The following CPQ variants were observed in gnomAD, a reference collection of about 807,000 sequenced individuals.
CPQ encodes Ser-Met dipeptidase.
A neutral mutation model predicts 45.7 loss-of-function variants in CPQ; 37 were observed. That is an observed-to-expected ratio of 0.81 (90% confidence interval 0.62 to 1.07). CPQ has a LOEUF of 1.07. Among genes scored for constraint, CPQ ranks in the 50% least tolerant of loss-of-function variants. The pLI, the probability that CPQ is intolerant of heterozygous loss-of-function variation, is 0.00. For synonymous variants in CPQ, 186 were observed against 205.8 expected (o/e 0.90, Z 0.82); for missense variants, 537 against 572.9 (o/e 0.94, Z 0.64).
rs572906188 is a variant in CPQ at position 96,821,126 on chromosome 8, ATTTTTTTT to A, written c.434-13829_434-13822del. Among the ~76,000 whole-genome samples, 423 of 61,002 alleles carry A rather than the reference ATTTTTTTT, an allele frequency of 6.9e-3. 4 individuals carry two copies. Among genetic ancestry groups the A allele is most frequent in the African/African-American group, 0.029 (402 of 13,702 alleles). The allele number at this position is 61,002 out of a possible 152,430, so 40.0% of individuals were successfully genotyped here. ...ACCTTTTGCCCAATATTTAATCTGAATTTTTTTTTTTTTTTTTTTTTTTTTGCTATTGA... is the reference window on the plus strand; with the variant it reads ...ACCTTTTGCCCAATATTTAATCTGAATTTTTTTTTTTTTTTTTGCTATTGA... On this transcript the variant is annotated intron_variant, in intron 2 of 7. Transcript: ENST00000220763.
chr8:96,803,982 A>T (rs1013967829), intron 2 of CPQ, among the ~76,000 whole-genome samples: 1 of 152,184 alleles, frequency 6.6e-6, no homozygotes, highest in Admixed American at 6.5e-5. Flanking sequence ...AGGAGATAGC[A>T]CTGGTGTAAT....
chr8:96,992,569 A>G (rs1167603289), intron 5 of CPQ, among the ~76,000 whole-genome samples: 1 of 152,182 alleles, frequency 6.6e-6, no homozygotes, highest in Non-Finnish European at 1.5e-5. Context: ...TGACACAGAT[A>G]AGGTGTCTCT....
chr8:96,914,638 T>C (rs1430787382), intron 4 of CPQ, among the ~76,000 whole-genome samples: 1 of 152,160 alleles, frequency 6.6e-6, no homozygotes, highest in African/African-American at 2.4e-5. Flanking sequence ...GGTCCTACTT[T>C]GTCATTTTGG....
chr8:96,716,004 C>A (rs1225780444), intron 1 of CPQ, among the ~76,000 whole-genome samples: 2 of 152,180 alleles, frequency 1.3e-5, no homozygotes, highest in Non-Finnish European at 2.9e-5. Flanking sequence ...TCTGTGAGAT[C>A]CTTTGGGTAT....
intron 1 of CPQ, among the ~76,000 whole-genome samples, chr8:96,676,570 G>C (rs983866805): frequency 6.6e-6 from 1 of 151,912 alleles, no homozygotes; most frequent in Admixed American, 6.6e-5. Context: ...ATAGACACTT[G>C]GGATGATTGC....
intron 4 of CPQ, among the ~76,000 whole-genome samples, chr8:96,913,316 A>C (rs1362971387): frequency 6.6e-6 from 1 of 152,182 alleles, no homozygotes; most frequent in Non-Finnish European, 1.5e-5. Flanking sequence ...TGGCATCTGA[A>C]GTCTTGCTAA....
intron 2 of CPQ, among the ~76,000 whole-genome samples, chr8:96,822,386 C>T (rs1354067337): frequency 6.6e-6 from 1 of 151,978 alleles, no homozygotes; most frequent in African/African-American, 2.4e-5. Context: ...ATCTCTTTGA[C>T]ATACTGATTT....
chr8:96,915,050 A>G (rs145510517), intron 4 of CPQ, among the ~76,000 whole-genome samples: 91 of 152,286 alleles, frequency 6.0e-4, no homozygotes, highest in African/African-American at 2.1e-3. Context: ...TTCCAGGGTT[A>G]TCCGTTTTAC....
intron 2 of CPQ, among the ~76,000 whole-genome samples, chr8:96,798,232 C>A (rs1810961286): frequency 6.6e-6 from 1 of 151,800 alleles, no homozygotes; most frequent in African/African-American, 2.4e-5. Flanking sequence ...CAGGCTCAAG[C>A]AGTCCTCCCA....
chr8:96,957,562 G>A (rs1813376270), intron 4 of CPQ, among the ~76,000 whole-genome samples: 1 of 152,060 alleles, frequency 6.6e-6, no homozygotes, highest in African/African-American at 2.4e-5. Flanking sequence ...CAGCACTTTG[G>A]GAGGCTGAGG....
chr8:96,654,424 A>G (rs147624109), intron 1 of CPQ, among the ~76,000 whole-genome samples: 57 of 152,284 alleles, frequency 3.7e-4, no homozygotes, highest in East Asian at 3.5e-3. Context: ...GGTGTCTTCA[A>G]TGGGGTAATC....
chr8:96,935,564 C>T (rs1407681165), intron 4 of CPQ, among the ~76,000 whole-genome samples: 1 of 152,144 alleles, frequency 6.6e-6, no homozygotes, highest in Non-Finnish European at 1.5e-5. Context: ...CTCACCCACA[C>T]ATCACCCTCA....
chr8:96,699,907 G>A (rs545633054), intron 1 of CPQ, among the ~76,000 whole-genome samples: 3 of 152,312 alleles, frequency 2.0e-5, no homozygotes, highest in Non-Finnish European at 4.4e-5. Flanking sequence ...GGGGTAGAGA[G>A]GAGAAAGAAG....
chr8:96,798,780 G>A (rs1183942329), intron 2 of CPQ, among the ~76,000 whole-genome samples: 1 of 151,882 alleles, frequency 6.6e-6, no homozygotes, highest in Non-Finnish European at 1.5e-5. Context: ...TACTTTTGTA[G>A]CACTGTCTGT....
chr8:96,720,869 T>C (rs111548366), intron 1 of CPQ, among the ~76,000 whole-genome samples: 4,903 of 152,246 alleles, frequency 0.032, 277 homozygotes, highest in African/African-American at 0.11. Flanking sequence ...ATTCCCCTTG[T>C]TGCGAATGCA....
chr8:96,971,093 G>A (rs1813669047), intron 5 of CPQ, among the ~76,000 whole-genome samples: 1 of 152,170 alleles, frequency 6.6e-6, no homozygotes. Flanking sequence ...AATGCCCTGC[G>A]GCATTTTTTG....
intron 4 of CPQ, among the ~76,000 whole-genome samples, chr8:96,883,195 G>T (rs559563989): frequency 3.7e-4 from 56 of 152,244 alleles, no homozygotes; most frequent in Non-Finnish European, 6.6e-4. Context: ...TATGTGGGTG[G>T]TTTCTAGTTT....
At chr8:96,651,532 T>A (rs2455041) in intron 1 of CPQ, among the ~76,000 whole-genome samples, 152,073 of 152,334 alleles carry the variant, frequency 1, 75,911 homozygotes, top group Non-Finnish European at 1. Flanking sequence ...AATGATTAGA[T>A]CTATGAGAAA....
chr8:96,895,038 T>G (rs568533139), intron 4 of CPQ, among the ~76,000 whole-genome samples: 1 of 152,232 alleles, frequency 6.6e-6, no homozygotes, highest in Non-Finnish European at 1.5e-5. Flanking sequence ...GACTATTTAT[T>G]GAGTGCCGTC....
Sources: gnomAD v4.1 joint callset for allele counts (sites outside exome capture counted in the v4.1 genomes callset) on GRCh38, gnomAD v4.1.1 for gene constraint, MANE v1.5 for transcripts, NCBI Gene and HGNC (gene_info 2026-07-23, HGNC 2026-07-21) for gene names.